ARIH1: variants seen among roughly 807,000 people sequenced by gnomAD.
ARIH1 encodes the protein E3 ubiquitin-protein ligase ARIH1.
A neutral mutation model predicts 85.0 loss-of-function variants in ARIH1; 8 were observed. The observed-to-expected ratio is 0.09, with a 90% confidence interval of 0.06 to 0.17. ARIH1 has a LOEUF of 0.17. Among genes scored for constraint, ARIH1 ranks in the 10% least tolerant of loss-of-function variants. The probability of loss-of-function intolerance (pLI) is 1.00; values close to 1 mark genes in which losing one functional copy is unlikely to be tolerated. For synonymous variants in ARIH1, 238 were observed against 253.6 expected, an observed-to-expected ratio of 0.94 and a Z score of 0.59; for missense variants, 311 against 718.1, an observed-to-expected ratio of 0.43 and a Z score of 6.48.
intron 2 of ARIH1, among the ~76,000 whole-genome samples, chr15:72,520,547 T>G (rs904375364): frequency 2.6e-5 from 4 of 152,300 alleles, no homozygotes; most frequent in African/African-American, 9.6e-5. Context: ...TTAGATTAAA[T>G]TACTGTCATT....
chr15:72,519,892 A>G (rs1277437485), intron 2 of ARIH1, among the ~76,000 whole-genome samples: 1 of 152,090 alleles, frequency 6.6e-6, no homozygotes, highest in Non-Finnish European at 1.5e-5. Context: ...TTTATCGTTT[A>G]CTTGTGAAAC....
Position 72,589,657 on chromosome 15 carries a change from G to T in ARIH1, c.*6365G>T, listed in dbSNP as rs537973953. The T allele has an allele frequency of 2.0e-5, 3 of 152,300 alleles. No homozygotes were observed. The highest frequency in any genetic ancestry group is 1.3e-4 in the Admixed American group (2 of 15,296). 9.4% of individuals were successfully genotyped at this position (152,300 alleles called of 1,614,324 possible). ...GAGAGCTTAACTTAATCGGGAAGGA[G>T]ATCTTGGAGATCATAGTTCGCTGGG... On this transcript the variant is annotated 3_prime_UTR_variant, in exon 14 of 14. Coordinates refer to ENST00000379887, the MANE Select transcript of ARIH1 (RefSeq NM_005744.5).
rs1230511107 is a variant in ARIH1 at position 72,598,030 on chromosome 15, C to G, written c.*14738C>G. On this transcript the variant is annotated 3_prime_UTR_variant, in exon 14 of 14. Coordinates refer to ENST00000379887, the MANE Select transcript of ARIH1 (RefSeq NM_005744.5). The stretch of plus-strand genomic sequence containing the variant: ...AGTACAGCCTGTAGTGATCTCAGCT[C>G]ACTACAACCTCTGCCTTCCTGGCTC... 1.3e-5 allele frequency: 2 copies of G among 152,288 alleles called. No homozygotes were observed. The highest frequency in any genetic ancestry group is 1.5e-5 in the Non-Finnish European group (1 of 68,144). 9.4% of individuals were successfully genotyped at this position (152,288 alleles called of 1,614,324 possible).
At chr15:72,536,299 ATTG>A (rs1180614875) in intron 2 of ARIH1, among the ~76,000 whole-genome samples, 2 of 152,142 alleles carry the variant, frequency 1.3e-5, no homozygotes, top group Non-Finnish European at 2.9e-5. Flanking sequence ...GTCTTGCTAT[ATTG>A]TTCAGGCTGG....
chr15:72,556,035 T>G, intron 5 of ARIH1, 128 bp downstream of exon 5: 1 of 710,948 alleles, frequency 1.4e-6, no homozygotes, highest in Non-Finnish European at 2.3e-6. Flanking sequence ...TCTGCGTTCC[T>G]TAGTAGTAGT....
intron 1 of ARIH1, among the ~76,000 whole-genome samples, chr15:72,478,290 A>G (rs932419451): frequency 1.3e-5 from 2 of 150,446 alleles, no homozygotes; most frequent in African/African-American, 4.9e-5. Flanking sequence ...TACTTTTTGT[A>G]TTTTTTAGTA....
intron 2 of ARIH1, among the ~76,000 whole-genome samples, chr15:72,530,394 A>AT (rs1278635351): frequency 6.6e-6 from 1 of 152,158 alleles, no homozygotes; most frequent in Admixed American, 6.5e-5. Context: ...TTGTTAGTAG[A>AT]GGGGGAAGTT....
chr15:72,529,030 C>T (rs2064043266), intron 2 of ARIH1, among the ~76,000 whole-genome samples: 1 of 151,934 alleles, frequency 6.6e-6, no homozygotes, highest in African/African-American at 2.4e-5. Flanking sequence ...GAAACCCCAT[C>T]TCTACTAAAA....
rs139100868 is a variant in ARIH1, at chr15:72,529,374, G to A, written c.443+11240G>A. 3.6e-3 allele frequency among the ~76,000 whole-genome samples: 544 copies of A among 152,260 alleles called. 4 individuals are homozygous for A. The Middle Eastern group carries it at 0.051, about 14-fold the overall frequency. Reference sequence around the variant, plus strand: ...TTCTCTCGCCTCAGCCTCCCTAGTGGGTAGGACTGTGCACCACAACACCTA... The same window carrying A: ...TTCTCTCGCCTCAGCCTCCCTAGTGAGTAGGACTGTGCACCACAACACCTA... On this transcript the variant is annotated intron_variant, in intron 2 of 13. Coordinates refer to ENST00000379887, the MANE Select transcript of ARIH1 (RefSeq NM_005744.5).
In ARIH1 at chr15:72,586,889, C is replaced by T. The variant is rs1567363548; in HGVS notation, c.*3597C>T. The T allele has an allele frequency of 1.2e-5, 2 of 169,072 alleles. No homozygotes were observed. Among genetic ancestry groups the T allele is most frequent in the Non-Finnish European group, 2.5e-5 (2 of 79,166 alleles). The allele number at this position is 169,072 out of a possible 1,614,324, so 10.5% of individuals were successfully genotyped here. ...TACTTTAAAAGTCATTCTTAGCTAA[C>T]CTCAAAACTCCTTTACATTACTTTC... On this transcript the variant is annotated 3_prime_UTR_variant, in exon 14 of 14. Transcript: ENST00000379887.
intron 2 of ARIH1, among the ~76,000 whole-genome samples, chr15:72,524,432 C>G (rs1038043980): frequency 1.3e-5 from 2 of 149,188 alleles, no homozygotes; most frequent in African/African-American, 5.0e-5. Flanking sequence ...CCAGGCTGGT[C>G]TGGAACTCTG....
chr15:72,492,134 G>A (rs1026774908), intron 1 of ARIH1, among the ~76,000 whole-genome samples: 1 of 152,076 alleles, frequency 6.6e-6, no homozygotes, highest in Admixed American at 6.6e-5. Context: ...AGCCAAAATT[G>A]CTGTTATATT....
At position 72,600,353 on chromosome 15, in the gene ARIH1, A is replaced by G. The variant is rs954754899; in HGVS notation, c.*17061A>G. The G allele has an allele frequency of 3.3e-5, 5 of 152,188 alleles. No homozygotes were observed. The highest frequency in any genetic ancestry group is 4.8e-5 in the African/African-American group (2 of 41,434). The allele number at this position is 152,188 out of a possible 1,614,324, so 9.4% of individuals were successfully genotyped here. On this transcript the variant is annotated 3_prime_UTR_variant, in exon 14 of 14. Transcript: ENST00000379887. Reference sequence around the variant, plus strand: ...ATCTGTGACACAAGAAACATGTTCTATGTGATTTCTGGGATTTTCCTGTGA... The same window carrying G: ...ATCTGTGACACAAGAAACATGTTCTGTGTGATTTCTGGGATTTTCCTGTGA...
rs1323754139 is a variant in ARIH1 at position 72,602,336 on chromosome 15, A to G, written c.*19044A>G. The stretch of plus-strand genomic sequence containing the variant: ...TCAGTGAAATTTTTGTTCTTTGCCA[A>G]TGCAAGAAATGGAAAGTATCTCTTG... On this transcript the variant is annotated 3_prime_UTR_variant, in exon 14 of 14. Coordinates refer to ENST00000379887, the MANE Select transcript of ARIH1 (RefSeq NM_005744.5). The G allele has an allele frequency of 6.6e-6, 1 of 152,226 alleles. No homozygotes were observed. The highest frequency in any genetic ancestry group is 6.5e-5 in the Admixed American group (1 of 15,286). The allele number at this position is 152,226 out of a possible 1,614,324, so 9.4% of individuals were successfully genotyped here. A position where few individuals can be genotyped will look rare whatever the true frequency, so the allele number is the denominator to read the frequency against.
rs1328730802 is a variant in ARIH1, at chr15:72,588,334, C to T, written c.*5042C>T. 1 of 152,112 alleles carries T rather than the reference C, an allele frequency of 6.6e-6. No homozygotes were observed. The highest frequency in any genetic ancestry group is 1.5e-5 in the Non-Finnish European group (1 of 68,024). The allele number at this position is 152,112 out of a possible 1,614,324, so 9.4% of individuals were successfully genotyped here. On this transcript the variant is annotated 3_prime_UTR_variant, in exon 14 of 14. Coordinates refer to ENST00000379887, the MANE Select transcript of ARIH1 (RefSeq NM_005744.5). ...AATGCCACTGTCCATCTGGCATTAC[C>T]TAGACCAGTGATACTTAAACTTGAC...
rs1463246065 is a variant in ARIH1, at chr15:72,593,325, CTA to C, written c.*10035_*10036del. 1 of 151,950 alleles carries C rather than the reference CTA, an allele frequency of 6.6e-6. No homozygotes were observed. Among genetic ancestry groups the C allele is most frequent in the African/African-American group, 2.4e-5 (1 of 41,354 alleles). 9.4% of individuals were successfully genotyped at this position (151,950 alleles called of 1,614,324 possible). A position where few individuals can be genotyped will look rare whatever the true frequency, so the allele number is the denominator to read the frequency against. On this transcript the variant is annotated 3_prime_UTR_variant, in exon 14 of 14. Coordinates refer to ENST00000379887, the MANE Select transcript of ARIH1 (RefSeq NM_005744.5). ...GATATGCTATGATTTTTTAAAGACT[CTA>C]TGTATTCACTTATTGGGATCTTTCG...
In ARIH1 at chr15:72,585,957, T is replaced by A. The variant is rs1567363264; in HGVS notation, c.*2665T>A. On this transcript the variant is annotated 3_prime_UTR_variant, in exon 14 of 14. Coordinates refer to ENST00000379887, the MANE Select transcript of ARIH1 (RefSeq NM_005744.5). ...GCACCAAGGTCTCCATGTCTTGAGG[T>A]CAGTTTCATTGTCTTTTGAAAAGTG... is the stretch of plus-strand genomic sequence containing the variant. 6.6e-6 allele frequency: 1 copy of A among 152,120 alleles called. No individual in the cohort carries two copies. The highest frequency in any genetic ancestry group is 1.5e-5 in the Non-Finnish European group (1 of 68,008). The allele number at this position is 152,120 out of a possible 1,614,324, so 9.4% of individuals were successfully genotyped here. A position where few individuals can be genotyped will look rare whatever the true frequency, so the allele number is the denominator to read the frequency against.
At chr15:72,515,332 G>A (rs190835539) in intron 1 of ARIH1, among the ~76,000 whole-genome samples, 3 of 152,142 alleles carry the variant, frequency 2.0e-5, no homozygotes, top group Admixed American at 1.3e-4. Flanking sequence ...GTGGAACTAC[G>A]TCTCGAAAAA....
At chr15:72,576,881 C>G (rs1243565778) in intron 11 of ARIH1, among the ~76,000 whole-genome samples, 2 of 152,142 alleles carry the variant, frequency 1.3e-5, no homozygotes, top group Non-Finnish European at 2.9e-5. Context: ...TTTCCCAAAA[C>G]TTACCTGTTT....
Sources: allele counts gnomAD v4.1 joint callset (sites outside exome capture counted in the v4.1 genomes callset), GRCh38; gene constraint gnomAD v4.1.1; transcripts MANE v1.5; gene names NCBI Gene and HGNC (gene_info 2026-07-23, HGNC 2026-07-21).